KIF1B: variants seen among roughly 807,000 people sequenced by gnomAD.
The protein encoded by KIF1B is kinesin-like protein KIF1B.
A neutral mutation model predicts 241.9 loss-of-function variants in KIF1B; 76 were observed. That is an observed-to-expected ratio of 0.31 (90% CI 0.26 to 0.38). KIF1B has a LOEUF of 0.38. Ranked by LOEUF, KIF1B falls within the 10% of genes least tolerant of loss-of-function variation. The pLI is 1.00. For synonymous variants in KIF1B, 750 were observed against 796.7 expected, an observed-to-expected ratio of 0.94 and a Z score of 0.99; for missense variants, 1,622 against 2,271.4, an observed-to-expected ratio of 0.71 and a Z score of 5.81.
chr1:10,341,910 G>T (rs944925279), intron 32 of KIF1B, 140 bp from the exon 33 acceptor site: 2 of 675,834 alleles, frequency 3.0e-6, no homozygotes, highest in Non-Finnish European at 2.6e-6. Flanking sequence ...GGGTGAGGCC[G>T]CATGAGCCTT....
rs200445886 is a variant in KIF1B at position 10,360,054 on chromosome 1, A to AT, written c.4056-875_4056-874insT. 8.1e-3 allele frequency among the ~76,000 whole-genome samples: 1,231 copies of AT among 151,922 alleles called. 15 individuals carry two copies. Among genetic ancestry groups the AT allele is most frequent in the African/African-American group, 0.028 (1,160 of 41,318 alleles). On this transcript the variant is annotated intron_variant, in intron 38 of 48. Transcript: ENST00000676179. Reference sequence around the variant, plus strand: ...TCTCAAAAATAAAATAAAATAAAAAAATAATAAAATAAAATAAAATAATGC... The same window carrying AT: ...TCTCAAAAATAAAATAAAATAAAAAATATAATAAAATAAAATAAAATAATGC...
At chr1:10,348,235 G>A (rs115190394) in intron 36 of KIF1B, among the ~76,000 whole-genome samples, 2,897 of 152,140 alleles carry the variant, frequency 0.019, 42 homozygotes, top group Non-Finnish European at 0.028. Context: ...TCCGCTTTTG[G>A]TAAATCAAAA....
chr1:10,371,684 G>A (rs894782695), intron 45 of KIF1B, among the ~76,000 whole-genome samples: 2 of 152,232 alleles, frequency 1.3e-5, no homozygotes, highest in Non-Finnish European at 2.9e-5. Context: ...GTGGCTCCCA[G>A]CACTTTCGGA....
chr1:10,381,516 C>T lies in KIF1B; in HGVS notation c.*4929C>T. 5.0e-6 allele frequency: 1 copy of T among 201,686 alleles called. No homozygotes were observed. 12.5% of individuals were successfully genotyped at this position (201,686 alleles called of 1,614,324 possible). ...TATAGCCTTAGATGTGCAATGCAGACACTATCTAACTGTGTGTGGTAACCT... is the reference window on the plus strand; with the variant it reads ...TATAGCCTTAGATGTGCAATGCAGATACTATCTAACTGTGTGTGGTAACCT... On this transcript the variant is annotated 3_prime_UTR_variant, in exon 49 of 49. Coordinates refer to ENST00000676179, the MANE Select transcript of KIF1B (RefSeq NM_001365951.3).
rs1208864826 is a variant in KIF1B at position 10,379,597 on chromosome 1, A to G, written c.*3010A>G. 1 of 231,500 alleles carries G rather than the reference A, an allele frequency of 4.3e-6. No homozygotes were observed. The highest frequency in any genetic ancestry group is 8.5e-6 in the Non-Finnish European group (1 of 117,062). 14.3% of individuals were successfully genotyped at this position (231,500 alleles called of 1,614,324 possible). On this transcript the variant is annotated 3_prime_UTR_variant, in exon 49 of 49. Coordinates refer to ENST00000676179, the MANE Select transcript of KIF1B (RefSeq NM_001365951.3). The stretch of plus-strand genomic sequence containing the variant: ...AAGAAACATAGCCCTTAAGGAAACC[A>G]CCTTTATGTATTTTCTTAAAGCACG...
intron 38 of KIF1B, among the ~76,000 whole-genome samples, chr1:10,358,081 C>T (rs1241737383): frequency 2.1e-5 from 3 of 143,476 alleles, no homozygotes; most frequent in Non-Finnish European, 4.5e-5. Context: ...TCTAACAGAA[C>T]TTGCTGCAGC....
chr1:10,348,118 T>C (rs1652654474), intron 36 of KIF1B, among the ~76,000 whole-genome samples: 1 of 152,212 alleles, frequency 6.6e-6, no homozygotes, highest in Non-Finnish European at 1.5e-5. Context: ...TTTTAATACT[T>C]TTCATTTCGT....
At chr1:10,261,067 A>G (rs1393303107) in intron 4 of KIF1B, among the ~76,000 whole-genome samples, 7 of 151,482 alleles carry the variant, frequency 4.6e-5, no homozygotes, top group South Asian at 4.2e-4. Context: ...CCTGGGTTCA[A>G]TTAATTCTTG....
intron 15 of KIF1B, among the ~76,000 whole-genome samples, chr1:10,290,047 A>G (rs1244821792): frequency 1.2e-4 from 19 of 152,192 alleles, no homozygotes. Context: ...TATTGAATGA[A>G]TAAATCATCA....
At chr1:10,265,273 C>T (rs1364166319) in intron 5 of KIF1B, among the ~76,000 whole-genome samples, 1 of 151,078 alleles carries the variant, frequency 6.6e-6, no homozygotes, top group Non-Finnish European at 1.5e-5. Flanking sequence ...ATCTCACTGT[C>T]ACCCAGGCTG....
chr1:10,352,447 G>C (rs1391271877), intron 37 of KIF1B, among the ~76,000 whole-genome samples, 184 bp from the exon 38 acceptor site: 1 of 152,188 alleles, frequency 6.6e-6, no homozygotes, highest in Non-Finnish European at 1.5e-5. Context: ...GAATCAATAT[G>C]GTTTCATAGT....
chr1:10,247,418 C>T (rs1287210306), intron 2 of KIF1B, among the ~76,000 whole-genome samples: 1 of 152,192 alleles, frequency 6.6e-6, no homozygotes, highest in Non-Finnish European at 1.5e-5. Flanking sequence ...CCTAACCCGG[C>T]TTTATTTTTC....
intron 10 of KIF1B, among the ~76,000 whole-genome samples, chr1:10,273,635 G>T (rs959730037): frequency 1.4e-5 from 2 of 139,246 alleles, no homozygotes; most frequent in South Asian, 2.3e-4. Context: ...GGAATGAGAT[G>T]ATGATGATGT....
Position 10,378,257 on chromosome 1 carries a change from G to C in KIF1B, c.*1670G>C. 1 of 714,236 alleles carries C rather than the reference G, an allele frequency of 1.4e-6. No individual in the cohort carries two copies. The highest frequency in any genetic ancestry group is 2.6e-6 in the Non-Finnish European group (1 of 383,910). The allele number at this position is 714,236 out of a possible 1,614,324, so 44.2% of individuals were successfully genotyped here. On this transcript the variant is annotated 3_prime_UTR_variant, in exon 49 of 49. Transcript: ENST00000676179. Reference sequence around the variant, plus strand: ...CCCCAGGCTTTGTTGCGTGTTCCCTGCTCCTCTCCATCTGGTGTGGAAACA... The same window carrying C: ...CCCCAGGCTTTGTTGCGTGTTCCCTCCTCCTCTCCATCTGGTGTGGAAACA...
At position 10,326,506 on chromosome 1, in the gene KIF1B, G is replaced by C. The variant is rs974054131; in HGVS notation, c.2924+147G>C. On this transcript the variant is annotated intron_variant, in intron 27 of 48. Transcript: ENST00000676179. This position sits in a 1 kb window ranked among gnomAD's most constrained non-coding sequence, Gnocchi z 5.2. ...AGTTCTCCAATACTTCAAGCTCTTA[G>C]TCAGTGCTGGTCTGGCTGAGATGGT... 6.6e-6 allele frequency: 7 copies of C among 1,067,134 alleles called. No homozygotes were observed. In the East Asian group the frequency reaches 1.7e-4, roughly 26 times the overall value. The allele number at this position is 1,067,134 out of a possible 1,614,324, so 66.1% of individuals were successfully genotyped here.
At chr1:10,350,447 C>T (rs1315279116) in intron 37 of KIF1B, among the ~76,000 whole-genome samples, 2 of 146,718 alleles carry the variant, frequency 1.4e-5, no homozygotes, top group African/African-American at 2.6e-5. Context: ...GTAGTCCCAA[C>T]TGCTCGGGAG....
At chr1:10,283,066 G>A (rs531781849) in intron 15 of KIF1B, among the ~76,000 whole-genome samples, 4 of 152,032 alleles carry the variant, frequency 2.6e-5, no homozygotes, top group African/African-American at 9.6e-5. Flanking sequence ...AATTAGCCGG[G>A]CGTGGTGGCG....
intron 1 of KIF1B, among the ~76,000 whole-genome samples, chr1:10,219,815 C>T (rs1257941826): frequency 6.6e-6 from 1 of 152,042 alleles, no homozygotes; most frequent in Non-Finnish European, 1.5e-5. Flanking sequence ...CACCTGTAAT[C>T]CCAGCACTTT....
At chr1:10,262,118 T>C in intron 5 of KIF1B, 148 bp downstream of exon 5, 1 of 711,216 alleles carries the variant, frequency 1.4e-6, no homozygotes, top group Non-Finnish European at 2.6e-6. Context: ...GTTTTGGGTA[T>C]AATGAATAGT....
Sources: allele counts gnomAD v4.1 joint callset (sites outside exome capture counted in the v4.1 genomes callset), GRCh38; gene constraint gnomAD v4.1.1; non-coding constraint Gnocchi (gnomAD v3.1); transcripts MANE v1.5; gene names NCBI Gene and HGNC (gene_info 2026-07-23, HGNC 2026-07-21).